COL7A1: variants seen among roughly 807,000 people sequenced by gnomAD.
The protein encoded by COL7A1 is collagen alpha-1(VII) chain.
A neutral mutation model predicts 456.2 loss-of-function variants in COL7A1; 296 were observed. The observed-to-expected ratio is 0.65, with a 90% CI of 0.59 to 0.71. The LOEUF (loss-of-function observed/expected upper bound fraction) is 0.71. Ranked by LOEUF, COL7A1 falls within the 30% of genes least tolerant of loss-of-function variation. The pLI, the probability that COL7A1 is intolerant of heterozygous loss-of-function variation, is 0.00. For missense variants in COL7A1, 3,441 were observed against 4,017.2 expected (o/e 0.86, Z 3.88); for synonymous variants, 1,464 against 1,525.9 (o/e 0.96, Z 0.95).
rs140690883 is a variant in COL7A1, at chr3:48,565,755, G to A, written c.8408-87C>T. ...ACAGACAGAGACACACAGGCAGAGGGGTAGAGATACACAAAGAGATAGCAG... is the reference window on the plus strand; with the variant it reads ...ACAGACAGAGACACACAGGCAGAGGAGTAGAGATACACAAAGAGATAGCAG... On this transcript the variant is annotated intron_variant, in intron 114 of 118. Coordinates refer to ENST00000681320, the MANE Select transcript of COL7A1 (RefSeq NM_000094.4). The surrounding 1 kb of genome is among the most constrained non-coding windows in gnomAD (Gnocchi z 4.5). The A allele has an allele frequency of 3.2e-5, 41 of 1,288,732 alleles. No homozygotes were observed. The highest frequency in any genetic ancestry group is 3.7e-4 in the Middle Eastern group (2 of 5,408). The allele number at this position is 1,288,732 out of a possible 1,614,324, so 79.8% of individuals were successfully genotyped here.
Position 48,578,409 on chromosome 3 carries a change from G to A in COL7A1, c.5487+44C>T, listed in dbSNP as rs2854403. ...GGTTGGATGTCGGGGATCGGGTGAG[G>A]GTAGTAAGGGGGAAAAGGGGGTAAC... is the stretch of plus-strand genomic sequence containing the variant. On this transcript the variant is annotated intron_variant, in intron 64 of 118. Coordinates refer to ENST00000681320, the MANE Select transcript of COL7A1 (RefSeq NM_000094.4). This position sits in a 1 kb window ranked among gnomAD's most constrained non-coding sequence, Gnocchi z 4.7. The A allele has an allele frequency of 3.1e-6, 5 of 1,613,538 alleles. No individual in the cohort carries two copies. Among genetic ancestry groups the A allele is most frequent in the Non-Finnish European group, 4.2e-6 (5 of 1,180,006 alleles).
Position 48,566,682 on chromosome 3 carries a change from G to C in COL7A1, c.8282C>G (p.Ala2761Gly). 1 of 1,613,584 alleles carries C rather than the reference G, an allele frequency of 6.2e-7. No homozygotes were observed. The highest frequency in any genetic ancestry group is 8.5e-7 in the Non-Finnish European group (1 of 1,179,826). The change falls in exon 112 of 119, where the codon GCT becomes GGT. Residue 2761 changes from alanine (A) to glycine (G), a missense_variant. Physicochemically the swap from Ala to Gly is moderately conservative, Grantham distance 60. Around this residue, in one of 3 missense-constraint regions of COL7A1, gnomAD observed 2,084 missense variants for 2,501.3 expected, o/e 0.83. Coordinates refer to ENST00000681320, the MANE Select transcript of COL7A1 (RefSeq NM_000094.4). This position sits in a 1 kb window ranked among gnomAD's most constrained non-coding sequence, Gnocchi z 5.9. ...RVVGAPGVPGAPGERGEQGRP... is the reference protein window; with the variant it reads ...RVVGAPGVPGGPGERGEQGRP... ...CACCTGCTCCCCTCTCTCGCCAGGA[G>C]CTCCAGGGACCCCAGGAGCCCCCAC...
At position 48,584,944 on chromosome 3, in the gene COL7A1, C is replaced by T. The variant is rs1389390104; in HGVS notation, c.3977G>A (p.Gly1326Asp). Residue 1326 changes from glycine (G) to aspartate (D), a missense_variant and splice_region_variant, in exon 34 of 119, where the codon GGC becomes GAC. This residue lies in a region of COL7A1 where 2,084 missense variants were observed against 2,501.3 expected (regional missense o/e 0.83). Coordinates refer to ENST00000681320, the MANE Select transcript of COL7A1 (RefSeq NM_000094.4). Reference protein sequence around the residue: ...PGTPGAPGLKGSPGLPGPRGD... With the variant: ...PGTPGAPGLKDSPGLPGPRGD... ...ACGAGGGCCAGGCAACCCTGGAGAG[C>T]CCTGCAAATGGAGGCCAGAGGCAGA... is the stretch of plus-strand genomic sequence containing the variant. The T allele has an allele frequency of 6.2e-7, 1 of 1,613,932 alleles. No homozygotes were observed. Among genetic ancestry groups the T allele is most frequent in the East Asian group, 2.2e-5 (1 of 44,882 alleles).
In COL7A1 at chr3:48,590,601, G is replaced by A. The variant is rs774988069; in HGVS notation, c.1781-17C>T. On this transcript the variant is annotated splice_polypyrimidine_tract_variant and intron_variant, in intron 14 of 118. Coordinates refer to ENST00000681320, the MANE Select transcript of COL7A1 (RefSeq NM_000094.4). This position sits in a 1 kb window ranked among gnomAD's most constrained non-coding sequence, Gnocchi z 4.6. The stretch of plus-strand genomic sequence containing the variant: ...TTTCCGGCTCTAGGAGTTACAGACA[G>A]AAGTCAGAAGTCAGAACCAGGACCA... The A allele has an allele frequency of 5.6e-6, 9 of 1,613,956 alleles. No individual in the cohort carries two copies. Among genetic ancestry groups the A allele is most frequent in the Middle Eastern group, 1.6e-4 (1 of 6,062 alleles).
In COL7A1 at chr3:48,567,729, G is replaced by T. The variant is rs761910447; in HGVS notation, c.7964C>A (p.Ala2655Glu). 3 of 1,613,802 alleles carry T rather than the reference G, an allele frequency of 1.9e-6. No individual in the cohort carries two copies. The African/African-American group carries it at 4.0e-5, about 22-fold the overall frequency. Residue 2655 changes from alanine to glutamate, a missense_variant, in exon 108 of 119, where the codon GCA becomes GAA. Ala to Glu is a moderately radical substitution (Grantham distance 107). Transcript: ENST00000681320. This position sits in a 1 kb window ranked among gnomAD's most constrained non-coding sequence, Gnocchi z 4.3. ...EAGPPGRPGLAGHKGEMGEPG... is the reference protein window; with the variant it reads ...EAGPPGRPGLEGHKGEMGEPG... ...ACTCACCATCTCTCCTTTGTGTCCTGCCAGCCCGGGGCGGCCTGGGGGACC... is the reference window on the plus strand; with the variant it reads ...ACTCACCATCTCTCCTTTGTGTCCTTCCAGCCCGGGGCGGCCTGGGGGACC...
In COL7A1 at chr3:48,572,445, G is replaced by T; in HGVS notation, c.6937-24C>A. On this transcript the variant is annotated intron_variant, in intron 89 of 118. Transcript: ENST00000681320. The surrounding 1 kb of genome is among the most constrained non-coding windows in gnomAD (Gnocchi z 4.6). The stretch of plus-strand genomic sequence containing the variant: ...CCCTGGTAAGGGGGAGAGGTCAGTG[G>T]GATTCCTTGGCCCCCACCAGTTGAC... The T allele has an allele frequency of 6.2e-7, 1 of 1,614,040 alleles. No individual in the cohort carries two copies. Among genetic ancestry groups the T allele is most frequent in the Non-Finnish European group, 8.5e-7 (1 of 1,179,966 alleles).
In COL7A1 at chr3:48,568,700, C is replaced by A; in HGVS notation, c.7758+84G>T. ...GCAGCAAGGGAGCCAGAACCCCCAG[C>A]ACTTAAGAGGACCCCCAGGATATGT... On this transcript the variant is annotated intron_variant, in intron 104 of 118. Coordinates refer to ENST00000681320, the MANE Select transcript of COL7A1 (RefSeq NM_000094.4). The surrounding 1 kb of genome is among the most constrained non-coding windows in gnomAD (Gnocchi z 5.2). 6.7e-7 allele frequency: 1 copy of A among 1,499,950 alleles called. No homozygotes were observed. Among genetic ancestry groups the A allele is most frequent in the South Asian group, 1.2e-5 (1 of 83,036 alleles). The allele number at this position is 1,499,950 out of a possible 1,614,324, so 92.9% of individuals were successfully genotyped here.
chr3:48,585,812 G>A lies in COL7A1; in HGVS notation c.3786+18C>T, dbSNP rs371113036. The A allele has an allele frequency of 2.1e-5, 34 of 1,614,008 alleles. No homozygotes were observed. The highest frequency in any genetic ancestry group is 1.0e-4 in the Admixed American group (6 of 60,028). On this transcript the variant is annotated intron_variant, in intron 30 of 118. Transcript: ENST00000681320. The surrounding 1 kb of genome is among the most constrained non-coding windows in gnomAD (Gnocchi z 4.5). ...ACACTCAACCCATTCTCTATTCCCC[G>A]CCCGCAGGGGCACTCACCATCTCTC...
chr3:48,575,461 C>G lies in COL7A1; in HGVS notation c.6058G>C (p.Ala2020Pro), dbSNP rs774234419. The change falls in exon 74 of 119, where the codon GCC (alanine) becomes CCC (proline). Residue 2020 changes from alanine (A) to proline (P), a missense_variant. Coordinates refer to ENST00000681320, the MANE Select transcript of COL7A1 (RefSeq NM_000094.4). This position sits in a 1 kb window ranked among gnomAD's most constrained non-coding sequence, Gnocchi z 6.3. ...CCGGGGGGGCCCCTCTCCCCAAGGG[C>G]CAGACCAGGTGGCCCCTGAGGGCCA... The part of the protein sequence containing the change: ...DPGPQGPPGL[A>P]LGERGPPGPS... 1.2e-6 allele frequency: 2 copies of G among 1,611,456 alleles called. No homozygotes were observed. The highest frequency in any genetic ancestry group is 3.3e-5 in the Admixed American group (2 of 59,846).
Position 48,579,657 on chromosome 3 carries a change from C to T in COL7A1, c.5166G>A (p.Gly1722=). 1 of 1,613,604 alleles carries T rather than the reference C, an allele frequency of 6.2e-7. No homozygotes were observed. Among genetic ancestry groups the T allele is most frequent in the Non-Finnish European group, 8.5e-7 (1 of 1,179,978 alleles). The part of the protein sequence containing the change: ...GPGAREKGEP[G]DRGQEGPRGP... ...CTCGAGGACCCTCTTGTCCGCGGTC[C>T]CCAGGCTCTCCCTGTGGCAGAGATA... Residue 1722 remains glycine (G), a synonymous_variant, in exon 59 of 119, where the codon GGG becomes GGA. Coordinates refer to ENST00000681320, the MANE Select transcript of COL7A1 (RefSeq NM_000094.4). This position sits in a 1 kb window ranked among gnomAD's most constrained non-coding sequence, Gnocchi z 4.4.
At position 48,571,209 on chromosome 3, in the gene COL7A1, G is replaced by C. The variant is rs1367093147; in HGVS notation, c.7104+34C>G. 1.2e-6 allele frequency: 2 copies of C among 1,614,008 alleles called. No homozygotes were observed. The highest frequency in any genetic ancestry group is 1.7e-6 in the Non-Finnish European group (2 of 1,180,036). On this transcript the variant is annotated intron_variant, in intron 93 of 118. Transcript: ENST00000681320. The surrounding 1 kb of genome is among the most constrained non-coding windows in gnomAD (Gnocchi z 4.6). ...TCAAGCTCAGGGAGTCTCACGACCA[G>C]GACCCCAGCAGGGACCCTTCTGGGT... is the stretch of plus-strand genomic sequence containing the variant.
Position 48,581,339 on chromosome 3 carries a change from C to A in COL7A1, c.4820G>T (p.Gly1607Val). Residue 1607 changes from glycine (G) to valine (V), a missense_variant and splice_region_variant, in exon 52 of 119, where the codon GGT becomes GTT. Around this residue, in one of 3 missense-constraint regions of COL7A1, gnomAD observed 2,084 missense variants for 2,501.3 expected, o/e 0.83. Coordinates refer to ENST00000681320, the MANE Select transcript of COL7A1 (RefSeq NM_000094.4). This position sits in a 1 kb window ranked among gnomAD's most constrained non-coding sequence, Gnocchi z 5.8. ...IGLTGRAGPP[G>V]DSGPPGEKGD... ...CTTCTCTCCAGGAGGCCCTGAGTCA[C>A]CCTGTGGAGGAGGCAAGAGGGAGGT... 6.2e-7 allele frequency: 1 copy of A among 1,613,592 alleles called. No homozygotes were observed. The highest frequency in any genetic ancestry group is 1.1e-5 in the South Asian group (1 of 91,076).
chr3:48,588,908 C>A lies in COL7A1; in HGVS notation c.2402G>T (p.Gly801Val). 6.2e-7 allele frequency: 1 copy of A among 1,613,696 alleles called. No homozygotes were observed. Among genetic ancestry groups the A allele is most frequent in the Non-Finnish European group, 8.5e-7 (1 of 1,180,042 alleles). ...VLRITWVGVTGATAYRLAWGR... is the reference protein window; with the variant it reads ...VLRITWVGVTVATAYRLAWGR... ...CCAGGCCAGTCTGTAAGCTGTGGCT[C>A]CAGTGACCCCTACCCAGGTGATCCG... is the stretch of plus-strand genomic sequence containing the variant. The change falls in exon 19 of 119, where the codon GGA (glycine) becomes GTA (valine). Residue 801 changes from glycine to valine, a missense_variant. By Grantham distance (109) the Gly-to-Val change is moderately radical. Transcript: ENST00000681320. The surrounding 1 kb of genome is among the most constrained non-coding windows in gnomAD (Gnocchi z 4.6).
At position 48,583,507 on chromosome 3, in the gene COL7A1, G is replaced by T. The variant is rs750602621; in HGVS notation, c.4401+49C>A. On this transcript the variant is annotated intron_variant, in intron 41 of 118. Coordinates refer to ENST00000681320, the MANE Select transcript of COL7A1 (RefSeq NM_000094.4). This position sits in a 1 kb window ranked among gnomAD's most constrained non-coding sequence, Gnocchi z 5.1. ...AGCAGTGGTTGATGATTGAGGTAGG[G>T]GCTGGAGCTGTGCCCACCATATTCA... The T allele has an allele frequency of 6.2e-7, 1 of 1,613,424 alleles. No individual in the cohort carries two copies. The highest frequency in any genetic ancestry group is 2.2e-5 in the East Asian group (1 of 44,854).
At position 48,581,277 on chromosome 3, in the gene COL7A1, C is replaced by G; in HGVS notation, c.4882G>C (p.Gly1628Arg). The G allele has an allele frequency of 6.2e-7, 1 of 1,613,506 alleles. No homozygotes were observed. Residue 1628 changes from glycine (G) to arginine (R), a missense_variant, in exon 52 of 119, where the codon GGC becomes CGC. This residue lies in a region of COL7A1 where 2,084 missense variants were observed against 2,501.3 expected (regional missense o/e 0.83). Coordinates refer to ENST00000681320, the MANE Select transcript of COL7A1 (RefSeq NM_000094.4). The surrounding 1 kb of genome is among the most constrained non-coding windows in gnomAD (Gnocchi z 5.8). ...CCTCTTACATCTCGTCCTCGGGGGC[C>G]AACAGGTCCTGGGGGGCCAGGCCGC... ...PGRPGPPGPV[G>R]PRGRDGEVGE...
Position 48,572,681 on chromosome 3 carries a change from GC to G in COL7A1, c.6889del (p.Ala2297ProfsTer91). On this transcript the variant is annotated frameshift_variant, in exon 88 of 119. Coordinates refer to ENST00000681320, the MANE Select transcript of COL7A1 (RefSeq NM_000094.4). LOFTEE classifies it high-confidence loss of function. The surrounding 1 kb of genome is among the most constrained non-coding windows in gnomAD (Gnocchi z 4.6). ...AGGGTCAAAGATCACCTGTCCAGGGGCCCCCGTGGGGCCAGGTTCTCCTTTA... is the reference window on the plus strand; with the variant it reads ...AGGGTCAAAGATCACCTGTCCAGGGGCCCCGTGGGGCCAGGTTCTCCTTTA... ...GPKGEPGPTG[A>X]PGQAVVGLPG... 1 of 1,605,122 alleles carries G rather than the reference GC, an allele frequency of 6.2e-7. No individual in the cohort carries two copies. The highest frequency in any genetic ancestry group is 8.5e-7 in the Non-Finnish European group (1 of 1,175,890).
In COL7A1 at chr3:48,571,280, T is replaced by A; in HGVS notation, c.7069-2A>T. ...GGGTCCTGGAGCCCCTTTCTGACCC[T>A]AAGAAAACCCAGCAAACAGCATTTG... On this transcript the variant is annotated splice_acceptor_variant, in intron 92 of 118. Transcript: ENST00000681320. LOFTEE classifies it high-confidence loss of function. This position sits in a 1 kb window ranked among gnomAD's most constrained non-coding sequence, Gnocchi z 4.6. The A allele has an allele frequency of 1.2e-6, 2 of 1,614,106 alleles. No individual in the cohort carries two copies. Among genetic ancestry groups the A allele is most frequent in the Non-Finnish European group, 1.7e-6 (2 of 1,180,024 alleles).
Position 48,573,231 on chromosome 3 carries a change from C to T in COL7A1, c.6657G>A (p.Leu2219=). Reference sequence around the variant, plus strand: ...GTCCCACAGCTCCAGTAGGTCCAGTCAGGCCCTGGAGGAAGAGAAAGTTCA... The same window carrying T: ...GTCCCACAGCTCCAGTAGGTCCAGTTAGGCCCTGGAGGAAGAGAAAGTTCA... ...PGETGPPGRG[L]TGPTGAVGLP... Residue 2219 remains leucine, a synonymous_variant, in exon 85 of 119, where the codon CTG becomes CTA. Transcript: ENST00000681320. The surrounding 1 kb of genome is among the most constrained non-coding windows in gnomAD (Gnocchi z 5.5). 1 of 1,614,138 alleles carries T rather than the reference C, an allele frequency of 6.2e-7. No individual in the cohort carries two copies.
In COL7A1 at chr3:48,564,152, C is replaced by T. The variant is rs975336900; in HGVS notation, c.*254G>A. The T allele has an allele frequency of 5.1e-5, 30 of 590,326 alleles. No individual in the cohort carries two copies. The highest frequency in any genetic ancestry group is 2.2e-4 in the African/African-American group (12 of 54,122). The allele number at this position is 590,326 out of a possible 1,614,324, so 36.6% of individuals were successfully genotyped here. A position where few individuals can be genotyped will look rare whatever the true frequency, so the allele number is the denominator to read the frequency against. On this transcript the variant is annotated 3_prime_UTR_variant, in exon 119 of 119. Transcript: ENST00000681320. The surrounding 1 kb of genome is among the most constrained non-coding windows in gnomAD (Gnocchi z 6.0). ...GGCTTGGGTCAAGGGGCGGGTCAGA[C>T]GCCAGTCACATCCGCTCACTGCCCA...
Sources: gnomAD v4.1 joint callset for allele counts on GRCh38, gnomAD v4.1.1 for gene constraint, gnomAD v4.1.1 regional missense constraint, Gnocchi (gnomAD v3.1) non-coding constraint, MANE v1.5 for transcripts, NCBI Gene and HGNC (gene_info 2026-07-23, HGNC 2026-07-21) for gene names.